Variants in PSG6 observed in about 807,000 individuals in gnomAD.
PSG6 encodes pregnancy-specific beta-1-glycoprotein 6.
A neutral mutation model predicts 43.3 loss-of-function variants in PSG6; 51 were observed. The observed-to-expected ratio is 1.18, with a 90% confidence interval of 0.94 to 1.49. The LOEUF (loss-of-function observed/expected upper bound fraction) is 1.49. PSG6 is among the 40% of genes most tolerant of loss of function. The probability of loss-of-function intolerance (pLI) is 0.00; values close to 1 mark genes in which losing one functional copy is unlikely to be tolerated. For synonymous variants in PSG6, 292 were observed against 197.6 expected (o/e 1.48, Z -4.01); for missense variants, 770 against 522.2 (o/e 1.47, Z -4.62).
chr19:42,916,611 CAA>C, intron 1 of PSG6, 124 bp from the exon 2 acceptor site: 1 of 1,345,122 alleles, frequency 7.4e-7, no homozygotes, highest in Admixed American at 2.2e-5. Flanking sequence ...CACACACATA[CAA>C]ACACACACAC....
At chr19:42,907,924 T>A in intron 3 of PSG6, 70 bp from the exon 4 acceptor site, 1 of 1,577,972 alleles carries the variant, frequency 6.3e-7, no homozygotes, top group Non-Finnish European at 8.6e-7. Flanking sequence ...TCATTCAGAG[T>A]TGGCATCTCC....
In PSG6 at chr19:42,902,280, C is replaced by T. The variant is rs9179; in HGVS notation, c.*132G>A. On this transcript the variant is annotated 3_prime_UTR_variant, in exon 6 of 6. Transcript: ENST00000187910. ...ACATTCCAAGAATCAGCACATTTTC[C>T]AATAAAAAATTATGAAAACATTATC... 62,623 of 1,158,324 alleles carry T rather than the reference C, an allele frequency of 0.054. 2,389 individuals are homozygous for T. Among genetic ancestry groups the T allele is most frequent in the Middle Eastern group, 0.081 (387 of 4,780 alleles). The allele number at this position is 1,158,324 out of a possible 1,614,324, so 71.8% of individuals were successfully genotyped here.
chr19:42,916,735 T>C (rs1408742391), intron 1 of PSG6, among the ~76,000 whole-genome samples: 1 of 151,030 alleles, frequency 6.6e-6, no homozygotes, highest in African/African-American at 2.4e-5. Flanking sequence ...CCTTGGCATT[T>C]TTCTGTTTGC....
rs1346518845 is a variant in PSG6, at chr19:42,902,783, T to A, written c.1241-337A>T. Among the ~76,000 whole-genome samples, 3 of 151,602 alleles carry A rather than the reference T, an allele frequency of 2.0e-5. No individual in the cohort carries two copies. In the Admixed American group the frequency reaches 2.0e-4, roughly 10 times the overall value. On this transcript the variant is annotated intron_variant, in intron 5 of 5. Transcript: ENST00000187910. The stretch of plus-strand genomic sequence containing the variant: ...ATTATCTTGTATGTCTAATCCCATC[T>A]TGGATGCATCTCAGTTGGTAAAAAC...
chr19:42,906,698 C>T, intron 5 of PSG6: 14 of 1,464,566 alleles, frequency 9.6e-6, no homozygotes, highest in Non-Finnish European at 1.3e-5. Context: ...AAAGCCCCCT[C>T]CCTACCTTTC....
chr19:42,912,340 A>T (rs1490970558), intron 2 of PSG6, among the ~76,000 whole-genome samples: 2 of 151,746 alleles, frequency 1.3e-5, no homozygotes, highest in South Asian at 2.1e-4. Context: ...ATGTTTTCAT[A>T]AGTGGAAATT....
chr19:42,917,785 G>C lies in PSG6; in HGVS notation c.8C>G (p.Pro3Arg), dbSNP rs745820097. Residue 3 changes from proline to arginine, a missense_variant, in exon 1 of 6, where the codon CCC becomes CGC. Transcript: ENST00000187910. ...CTGAGTGCAGGGAGGGGCTGAGAGG[G>C]GTCCCATGGTCTCTGCTGTCTGTGT... MG[P>R]LSAPPCTQHI... 5 of 1,609,624 alleles carry C rather than the reference G, an allele frequency of 3.1e-6. No individual in the cohort carries two copies. The highest frequency in any genetic ancestry group is 4.2e-6 in the Non-Finnish European group (5 of 1,177,672).
chr19:42,913,407 A>T (rs2122641451), intron 2 of PSG6, among the ~76,000 whole-genome samples: 1 of 151,912 alleles, frequency 6.6e-6, no homozygotes, highest in South Asian at 2.1e-4. Flanking sequence ...AGCCTCCCAA[A>T]GTGCTGGGAT....
intron 5 of PSG6, among the ~76,000 whole-genome samples, chr19:42,904,568 G>A (rs1317056671): frequency 2.0e-5 from 3 of 151,444 alleles, no homozygotes; most frequent in East Asian, 1.9e-4. Context: ...AAAATATTTA[G>A]GAATAAGTTT....
At chr19:42,910,040 T>G (rs1289032739) in intron 3 of PSG6, 8 of 187,686 alleles carry the variant, frequency 4.3e-5, no homozygotes, top group African/African-American at 9.4e-5. Context: ...CTTGTGCTGA[T>G]TGCTGGAACT....
In PSG6 at chr19:42,907,807, C is replaced by A; in HGVS notation, c.754G>T (p.Glu252Ter). ...YITINNLNPREKKDVLAFTCE... is the reference protein window; with the variant it reads ...YITINNLNPR ...GTGAAGGCTAACACATCCTTCTTCT[C>A]CCTGGGGTTTAAGTTGTTGATGGTG... The change falls in exon 4 of 6, where the codon GAG becomes TAG. Residue 252 changes from glutamate (E) to a stop codon, truncating the protein, a stop_gained. Coordinates refer to ENST00000187910, the MANE Select transcript of PSG6 (RefSeq NM_001031850.4). LOFTEE classifies it high-confidence loss of function. The A allele has an allele frequency of 6.2e-7, 1 of 1,611,466 alleles. No individual in the cohort carries two copies. Among genetic ancestry groups the A allele is most frequent in the Non-Finnish European group, 8.5e-7 (1 of 1,179,064 alleles).
chr19:42,916,062 G>C, intron 2 of PSG6, 63 bp downstream of exon 2: 2 of 1,600,012 alleles, frequency 1.2e-6, no homozygotes, highest in Non-Finnish European at 8.5e-7. Flanking sequence ...TGACAATTCT[G>C]TGTGTGTGAA....
intron 1 of PSG6, 87 bp from the exon 2 acceptor site, chr19:42,916,574 C>T: frequency 6.7e-7 from 1 of 1,495,268 alleles, no homozygotes; most frequent in Non-Finnish European, 9.0e-7. Context: ...AAGGTCTCTT[C>T]AATCATCAGC....
intron 2 of PSG6, among the ~76,000 whole-genome samples, chr19:42,912,615 G>C (rs1039556736): frequency 6.6e-5 from 10 of 151,876 alleles, no homozygotes; most frequent in African/African-American, 2.4e-4. Context: ...AATATAGAAA[G>C]AACCTGCTTC....
chr19:42,907,636 A>G lies in PSG6; in HGVS notation c.925T>C (p.Cys309Arg), dbSNP rs1303163075. 6.2e-7 allele frequency: 1 copy of G among 1,611,782 alleles called. No homozygotes were observed. The highest frequency in any genetic ancestry group is 1.7e-5 in the Admixed American group (1 of 59,922). ...VTRNETGPYQ[C>R]EIRDRYGGIR... is the part of the protein sequence containing the mutation. ...CCACCATATCGGTCCCGTATTTCACATTGATAGGGTCCTGTTTCATTTCTC... is the reference window on the plus strand; with the variant it reads ...CCACCATATCGGTCCCGTATTTCACGTTGATAGGGTCCTGTTTCATTTCTC... Residue 309 changes from cysteine (C) to arginine (R), a missense_variant, in exon 4 of 6, where the codon TGT becomes CGT. Cys to Arg is a radical substitution (Grantham distance 180, BLOSUM62 -3). Coordinates refer to ENST00000187910, the MANE Select transcript of PSG6 (RefSeq NM_001031850.4).
chr19:42,916,273 G>A lies in PSG6; in HGVS notation c.279C>T (p.Ala93=), dbSNP rs144161671. ...AATATACTGTTTCTCGTCCACTGTA[G>A]GCAGGCCCATATATAATTTGACCGT... is the stretch of plus-strand genomic sequence containing the variant. The part of the protein sequence containing the change: ...VVHGQIIYGP[A]YSGRETVYSN... The change falls in exon 2 of 6, where the codon GCC becomes GCT. Residue 93 remains alanine (A), a synonymous_variant. Transcript: ENST00000187910. 6.2e-7 allele frequency: 1 copy of A among 1,612,116 alleles called. No homozygotes were observed. The highest frequency in any genetic ancestry group is 2.2e-5 in the East Asian group (1 of 44,786).
At chr19:42,907,419 C>T (rs1270539992) in intron 4 of PSG6, among the ~76,000 whole-genome samples, 157 bp downstream of exon 4, 1 of 151,874 alleles carries the variant, frequency 6.6e-6, no homozygotes, top group East Asian at 1.9e-4. Context: ...AAGGCTGTGC[C>T]TACCCAGGAT....
chr19:42,916,681 G>T (rs570815492), intron 1 of PSG6, among the ~76,000 whole-genome samples, 194 bp from the exon 2 acceptor site: 10 of 142,810 alleles, frequency 7.0e-5, no homozygotes, highest in Admixed American at 1.4e-4. Flanking sequence ...TGTCCTACTA[G>T]GTCAAGGTCA....
At position 42,916,336 on chromosome 19, in the gene PSG6, C is replaced by G. The variant is rs142428267; in HGVS notation, c.216G>C (p.Met72Ile). 8,036 of 1,611,632 alleles carry G rather than the reference C, an allele frequency of 5.0e-3. 490 individuals are homozygous for G. The African/African-American group carries it at 0.089, about 18-fold the overall frequency. ...LTGYIWYKGQ[M>I]TDLYHYITSY... ...ATGTAATGTAATGGTAGAGGTCCGT[C>G]ATTTGCCCTTTGTACCAGATGTAGC... The change falls in exon 2 of 6, where the codon ATG becomes ATC. Residue 72 changes from methionine (M) to isoleucine (I), a missense_variant. Met to Ile is a conservative substitution (Grantham distance 10). Transcript: ENST00000187910.
Sources: allele counts gnomAD v4.1 joint callset (sites outside exome capture counted in the v4.1 genomes callset), GRCh38; gene constraint gnomAD v4.1.1; transcripts MANE v1.5; gene names NCBI Gene and HGNC (gene_info 2026-07-23, HGNC 2026-07-21).